The following FUT9 variants were observed in gnomAD, a reference collection of about 807,000 sequenced individuals.
FUT9 encodes fucosyltransferase 9.
A neutral mutation model predicts 29.7 loss-of-function variants in FUT9; 15 were observed. The ratio of observed to expected loss-of-function variants is 0.51; its 90% CI spans 0.34 to 0.78. The LOEUF is 0.78. Among genes scored for constraint, FUT9 ranks in the 30% least tolerant of loss-of-function variants. The pLI is 0.01. For missense variants in FUT9, 319 were observed against 425.4 expected, an observed-to-expected ratio of 0.75 and a Z score of 2.20; for synonymous variants, 169 against 153.7, an observed-to-expected ratio of 1.10 and a Z score of -0.74.
chr6:96,107,114 C>G (rs1184396796), intron 1 of FUT9, among the ~76,000 whole-genome samples: 2 of 152,168 alleles, frequency 1.3e-5, no homozygotes, highest in African/African-American at 2.4e-5. Flanking sequence ...TTGCTAACCT[C>G]TGGTCTAAAT....
intron 2 of FUT9, among the ~76,000 whole-genome samples, chr6:96,126,324 G>T (rs923520553): frequency 2.0e-5 from 3 of 151,578 alleles, no homozygotes; most frequent in Non-Finnish European, 4.4e-5. Context: ...AAAACAGGGA[G>T]CAAGCAAGAA....
intron 1 of FUT9, among the ~76,000 whole-genome samples, chr6:96,045,162 G>C (rs1364825454): frequency 6.6e-6 from 1 of 152,132 alleles, no homozygotes; most frequent in East Asian, 1.9e-4. Flanking sequence ...ATTATACTGA[G>C]GGGGCAAACC....
chr6:96,110,457 G>T (rs1033383811), intron 1 of FUT9, among the ~76,000 whole-genome samples: 5 of 152,106 alleles, frequency 3.3e-5, no homozygotes, highest in African/African-American at 1.2e-4. Context: ...GGATTACTCA[G>T]CACAGTAATG....
intron 2 of FUT9, among the ~76,000 whole-genome samples, chr6:96,168,906 G>T (rs1028995107): frequency 3.3e-5 from 5 of 152,130 alleles, no homozygotes; most frequent in African/African-American, 1.2e-4. Context: ...TCAAGGAATT[G>T]GCTCTCATAG....
At position 96,207,526 on chromosome 6, in the gene FUT9, G is replaced by A. The variant is rs1255058661; in HGVS notation, c.*3291G>A. ...AGTTGAGTTCAGCAGAAGGAAATGGGCTATCACTACATTTAAGTGAAATAC... is the reference window on the plus strand; with the variant it reads ...AGTTGAGTTCAGCAGAAGGAAATGGACTATCACTACATTTAAGTGAAATAC... On this transcript the variant is annotated 3_prime_UTR_variant, in exon 3 of 3. Coordinates refer to ENST00000302103, the MANE Select transcript of FUT9 (RefSeq NM_006581.4). 1 of 166,950 alleles carries A rather than the reference G, an allele frequency of 6.0e-6. No individual in the cohort carries two copies. The highest frequency in any genetic ancestry group is 6.6e-5 in the Admixed American group (1 of 15,262). The allele number at this position is 166,950 out of a possible 1,614,324, so 10.3% of individuals were successfully genotyped here.
intron 2 of FUT9, among the ~76,000 whole-genome samples, chr6:96,121,571 T>C (rs1200616152): frequency 6.6e-6 from 1 of 152,184 alleles, no homozygotes; most frequent in Non-Finnish European, 1.5e-5. Flanking sequence ...CCCCGTGGGC[T>C]TTCTTGCTAT....
intron 2 of FUT9, among the ~76,000 whole-genome samples, chr6:96,157,559 C>T (rs1344764200): frequency 6.6e-6 from 1 of 152,060 alleles, no homozygotes; most frequent in Non-Finnish European, 1.5e-5. Flanking sequence ...CAAATAATGA[C>T]ATTTGAAGGC....
At chr6:96,159,385 T>C (rs9390950) in intron 2 of FUT9, among the ~76,000 whole-genome samples, 26,508 of 151,924 alleles carry the variant, frequency 0.17, 2,624 homozygotes, top group East Asian at 0.24. Context: ...TAAGAGCATC[T>C]TTTCTCTATA....
chr6:96,058,371 G>T, intron 1 of FUT9, among the ~76,000 whole-genome samples: 1 of 148,622 alleles, frequency 6.7e-6, no homozygotes, highest in Non-Finnish European at 1.5e-5. Flanking sequence ...TCACTGTTGG[G>T]GAAGTCATGA....
At chr6:96,053,883 A>G (rs1425071329) in intron 1 of FUT9, among the ~76,000 whole-genome samples, 1 of 152,176 alleles carries the variant, frequency 6.6e-6, no homozygotes, top group Admixed American at 6.5e-5. Context: ...ATTTATTTAT[A>G]GTATTAAATT....
At position 96,193,711 on chromosome 6, in the gene FUT9, C is replaced by T. The variant is rs114435057; in HGVS notation, c.-8-9437C>T. On this transcript the variant is annotated intron_variant, in intron 2 of 2. Coordinates refer to ENST00000302103, the MANE Select transcript of FUT9 (RefSeq NM_006581.4). Reference sequence around the variant, plus strand: ...GGCAATCCTGTTACTGGGTTTATACCGAAAGGATTATAAATCATGCTGCTA... The same window carrying T: ...GGCAATCCTGTTACTGGGTTTATACTGAAAGGATTATAAATCATGCTGCTA... Among the ~76,000 whole-genome samples the T allele has an allele frequency of 2.0e-3, 301 of 152,002 alleles. 1 individual carries two copies. Among genetic ancestry groups the T allele is most frequent in the African/African-American group, 6.7e-3 (277 of 41,456 alleles).
intron 1 of FUT9, among the ~76,000 whole-genome samples, chr6:96,070,100 A>T (rs1771032823): frequency 6.6e-6 from 1 of 152,188 alleles, no homozygotes; most frequent in Non-Finnish European, 1.5e-5. Flanking sequence ...AATAATAAAA[A>T]TATGCAAACA....
chr6:96,049,603 A>G (rs1181753188), intron 1 of FUT9, among the ~76,000 whole-genome samples: 1 of 152,224 alleles, frequency 6.6e-6, no homozygotes, highest in African/African-American at 2.4e-5. Context: ...TTGTATTAGC[A>G]TGAGAATAAA....
At chr6:96,193,132 C>T (rs1773546920) in intron 2 of FUT9, among the ~76,000 whole-genome samples, 1 of 147,944 alleles carries the variant, frequency 6.8e-6, no homozygotes, top group South Asian at 2.3e-4. Context: ...CCATTCAGGA[C>T]ATAGGCATGG....
intron 1 of FUT9, among the ~76,000 whole-genome samples, chr6:96,028,295 G>T (rs1162226632): frequency 6.6e-6 from 1 of 151,558 alleles, no homozygotes; most frequent in Admixed American, 6.6e-5. Context: ...ATATAACTGG[G>T]TTCAAATTCT....
At position 96,213,154 on chromosome 6, in the gene FUT9, A is replaced by C. The variant is rs1773972377; in HGVS notation, c.*8919A>C. 1 of 166,876 alleles carries C rather than the reference A, an allele frequency of 6.0e-6. No individual in the cohort carries two copies. Among genetic ancestry groups the C allele is most frequent in the African/African-American group, 2.4e-5 (1 of 41,422 alleles). 10.3% of individuals were successfully genotyped at this position (166,876 alleles called of 1,614,324 possible). A position where few individuals can be genotyped will look rare whatever the true frequency, so the allele number is the denominator to read the frequency against. On this transcript the variant is annotated 3_prime_UTR_variant, in exon 3 of 3. Transcript: ENST00000302103. ...CATGTCACTACAAGGGGTGGGGAAG[A>C]AGTTAATGTGTAATTGCTTCAGGAG...
intron 2 of FUT9, among the ~76,000 whole-genome samples, chr6:96,142,976 A>C (rs1307880494): frequency 1.3e-5 from 2 of 152,204 alleles, no homozygotes; most frequent in African/African-American, 4.8e-5. Context: ...ATCTTCATAA[A>C]AGCCTGTGGT....
In FUT9 at chr6:96,206,097, A is replaced by C. The variant is rs1773823845; in HGVS notation, c.*1862A>C. On this transcript the variant is annotated 3_prime_UTR_variant, in exon 3 of 3. Coordinates refer to ENST00000302103, the MANE Select transcript of FUT9 (RefSeq NM_006581.4). ...CTTTCAATTCAGCCTGAGACTGTTT[A>C]TATGCATGTGCTACTCCGAATGACG... 6.0e-6 allele frequency: 1 copy of C among 166,992 alleles called. No homozygotes were observed. Among genetic ancestry groups the C allele is most frequent in the Admixed American group, 6.5e-5 (1 of 15,286 alleles). 10.3% of individuals were successfully genotyped at this position (166,992 alleles called of 1,614,324 possible).
chr6:96,145,860 T>G (rs943260740), intron 2 of FUT9, among the ~76,000 whole-genome samples: 2 of 152,166 alleles, frequency 1.3e-5, no homozygotes, highest in Admixed American at 1.3e-4. Flanking sequence ...TAATTTATTT[T>G]ATTTCTTTGC....
Sources: allele counts gnomAD v4.1 joint callset (sites outside exome capture counted in the v4.1 genomes callset), GRCh38; gene constraint gnomAD v4.1.1; transcripts MANE v1.5; gene names NCBI Gene and HGNC (gene_info 2026-07-23, HGNC 2026-07-21).